KLF12: variants seen among roughly 807,000 people sequenced by gnomAD.
KLF12 encodes the protein Krueppel-like factor 12.
Under a neutral mutation model 37.8 loss-of-function variants are expected in KLF12, and 9 were observed. The observed-to-expected ratio is 0.24, with a 90% confidence interval of 0.14 to 0.42. The LOEUF is 0.42. Among genes scored for constraint, KLF12 ranks in the 10% least tolerant of loss-of-function variants. The probability of loss-of-function intolerance (pLI) is 1.00; values close to 1 mark genes in which losing one functional copy is unlikely to be tolerated. For missense variants in KLF12, 411 were observed against 516.0 expected, an observed-to-expected ratio of 0.80 and a Z score of 1.97; for synonymous variants, 208 against 202.1, an observed-to-expected ratio of 1.03 and a Z score of -0.25.
chr13:74,244,371 A>G, the KLF12 span, among the ~76,000 whole-genome samples: 1 of 152,318 alleles, frequency 6.6e-6, no homozygotes, highest in East Asian at 1.9e-4. Context: ...CATGAAGAAC[A>G]TGAGCTGGCT....
intron 3 of KLF12, among the ~76,000 whole-genome samples, chr13:73,867,709 A>G (rs1441686924): frequency 1.3e-5 from 2 of 152,254 alleles, no homozygotes; most frequent in African/African-American, 4.8e-5. Flanking sequence ...ATTTACCACA[A>G]TGCGACCCCA....
At chr13:73,798,761 A>G (rs536802654) in intron 5 of KLF12, among the ~76,000 whole-genome samples, 2 of 152,280 alleles carry the variant, frequency 1.3e-5, no homozygotes, top group South Asian at 4.1e-4. Flanking sequence ...AAGTCAAAAA[A>G]CAGATGCTGG....
chr13:74,176,343 A>G, the KLF12 span, among the ~76,000 whole-genome samples: 1 of 152,012 alleles, frequency 6.6e-6, no homozygotes, highest in African/African-American at 2.4e-5. Context: ...AATACATAAA[A>G]TTTTTCATTT....
intron 1 of KLF12, among the ~76,000 whole-genome samples, chr13:74,096,015 T>A (rs1182819107): frequency 4.6e-5 from 7 of 152,184 alleles, no homozygotes; most frequent in African/African-American, 1.7e-4. Flanking sequence ...CCATTTTCCA[T>A]CATTTCATAA....
At chr13:73,815,676 ACAT>A (rs1883174815) in intron 4 of KLF12, among the ~76,000 whole-genome samples, 1 of 152,186 alleles carries the variant, frequency 6.6e-6, no homozygotes, top group African/African-American at 2.4e-5. Context: ...AGTTGTTGAA[ACAT>A]CATGCACTAC....
intron 3 of KLF12, among the ~76,000 whole-genome samples, chr13:73,875,618 T>C (rs1417621574): frequency 6.6e-6 from 1 of 152,152 alleles, no homozygotes; most frequent in Non-Finnish European, 1.5e-5. Flanking sequence ...ATTTACCCTA[T>C]TAAATGTGTT....
At chr13:74,085,332 GT>G (rs1229793381) in intron 1 of KLF12, among the ~76,000 whole-genome samples, 1 of 152,116 alleles carries the variant, frequency 6.6e-6, no homozygotes, top group Non-Finnish European at 1.5e-5. Flanking sequence ...CAGTTCGGAG[GT>G]TCTTTCCCAG....
intron 6 of KLF12, among the ~76,000 whole-genome samples, chr13:73,742,045 G>T (rs1350056209): frequency 6.6e-6 from 1 of 152,130 alleles, no homozygotes; most frequent in African/African-American, 2.4e-5. Flanking sequence ...CTACGGATAT[G>T]GTGAGTTTTA....
At chr13:74,294,901 A>G in the KLF12 span, among the ~76,000 whole-genome samples, 1 of 151,968 alleles carries the variant, frequency 6.6e-6, no homozygotes, top group Non-Finnish European at 1.5e-5. Context: ...CTCATATTTT[A>G]TCTCCTTATT....
At chr13:74,299,699 G>A in the KLF12 span, among the ~76,000 whole-genome samples, 1 of 152,276 alleles carries the variant, frequency 6.6e-6, no homozygotes, top group South Asian at 2.1e-4. Flanking sequence ...CTTGCAGCAT[G>A]GGCATGCCAG....
At chr13:73,863,705 G>A (rs1886039996) in intron 3 of KLF12, among the ~76,000 whole-genome samples, 1 of 152,020 alleles carries the variant, frequency 6.6e-6, no homozygotes, top group South Asian at 2.1e-4. Flanking sequence ...TGTTCATCTG[G>A]TGCAGACAGG....
intron 1 of KLF12, among the ~76,000 whole-genome samples, chr13:74,103,452 C>T (rs914473307): frequency 6.6e-6 from 1 of 152,142 alleles, no homozygotes; most frequent in Non-Finnish European, 1.5e-5. Context: ...CTCAAAGGTA[C>T]TCTAAATCTA....
chr13:73,702,442 T>C (rs1038804518), intron 7 of KLF12, among the ~76,000 whole-genome samples: 1 of 152,168 alleles, frequency 6.6e-6, no homozygotes, highest in Non-Finnish European at 1.5e-5. Context: ...GGTACATGTG[T>C]ACTGAGACAA....
the KLF12 span, among the ~76,000 whole-genome samples, chr13:74,222,724 T>A: frequency 6.6e-5 from 10 of 152,204 alleles, no homozygotes; most frequent in Non-Finnish European, 1.2e-4. Context: ...TTTAATAGCC[T>A]AAATAAAATA....
chr13:73,866,112 C>T (rs915324474), intron 3 of KLF12, among the ~76,000 whole-genome samples: 3 of 151,930 alleles, frequency 2.0e-5, no homozygotes, highest in East Asian at 1.9e-4. Context: ...AAAAATTAGC[C>T]GGGAATGGTG....
At chr13:74,286,651 C>T in the KLF12 span, among the ~76,000 whole-genome samples, 1 of 152,122 alleles carries the variant, frequency 6.6e-6, no homozygotes, top group African/African-American at 2.4e-5. Flanking sequence ...TTTACAGGGA[C>T]TCCTAGGTAA....
chr13:74,261,973 G>C, the KLF12 span, among the ~76,000 whole-genome samples: 1 of 152,154 alleles, frequency 6.6e-6, no homozygotes. Context: ...AGAGTGCTGT[G>C]CTGTGCTGTC....
intron 5 of KLF12, among the ~76,000 whole-genome samples, chr13:73,776,360 A>G (rs963672363): frequency 2.0e-5 from 3 of 152,224 alleles, no homozygotes; most frequent in Non-Finnish European, 2.9e-5. Context: ...CCAGGACCTG[A>G]CCTACCAGCT....
intron 3 of KLF12, among the ~76,000 whole-genome samples, chr13:73,886,084 G>A (rs1299519578): frequency 1.3e-5 from 2 of 152,108 alleles, no homozygotes; most frequent in African/African-American, 2.4e-5. Context: ...CATGACAAGG[G>A]CAGGTACATC....
Sources: allele counts gnomAD v4.1 joint callset (sites outside exome capture counted in the v4.1 genomes callset), GRCh38; gene constraint gnomAD v4.1.1; transcripts MANE v1.5; gene names NCBI Gene and HGNC (gene_info 2026-07-23, HGNC 2026-07-21).